The following BTBD9 variants were observed in gnomAD, a reference collection of about 807,000 sequenced individuals.
BTBD9 encodes BTB domain containing 9.
In BTBD9, 49 loss-of-function variants were observed where a neutral mutation model predicts 64.3. That is an observed-to-expected ratio of 0.76 (90% CI 0.61 to 0.97). The LOEUF is 0.97. BTBD9 is among the 50% of genes least tolerant of loss of function. BTBD9 has a pLI of 0.00. For synonymous variants in BTBD9, 260 were observed against 274.7 expected (o/e 0.95, Z 0.53); for missense variants, 598 against 762.1 (o/e 0.78, Z 2.53).
At chr6:38,544,529 T>C (rs1774440653) in intron 6 of BTBD9, among the ~76,000 whole-genome samples, 1 of 151,188 alleles carries the variant, frequency 6.6e-6, no homozygotes, top group Non-Finnish European at 1.5e-5. Context: ...TGGAAGGAGG[T>C]GAGAAATGAA....
intron 7 of BTBD9, among the ~76,000 whole-genome samples, chr6:38,291,746 A>G (rs1293374163): frequency 6.6e-6 from 1 of 152,128 alleles, no homozygotes; most frequent in African/African-American, 2.4e-5. Context: ...GTCTATTGAG[A>G]TAATCATGTG....
chr6:38,255,724 G>A (rs1368008613), intron 9 of BTBD9, among the ~76,000 whole-genome samples: 1 of 152,160 alleles, frequency 6.6e-6, no homozygotes, highest in Non-Finnish European at 1.5e-5. Flanking sequence ...AAATATTGAC[G>A]CTAGCCCTGA....
chr6:38,496,488 A>T (rs1771961626), intron 6 of BTBD9, among the ~76,000 whole-genome samples: 1 of 151,742 alleles, frequency 6.6e-6, no homozygotes, highest in East Asian at 1.9e-4. Context: ...ACAAAAAAAA[A>T]ATTAAATTAA....
In BTBD9 at chr6:38,171,105, C is replaced by T. The variant is rs1766739068; in HGVS notation, c.*3880G>A. On this transcript the variant is annotated 3_prime_UTR_variant, in exon 11 of 11. Transcript: ENST00000481247. Reference sequence around the variant, plus strand: ...TCTTTATCACCAAGTGGCCTCAGTACACAGAACGCTCGCTTTTTATTGTAG... The same window carrying T: ...TCTTTATCACCAAGTGGCCTCAGTATACAGAACGCTCGCTTTTTATTGTAG... The T allele has an allele frequency of 6.6e-6, 1 of 152,252 alleles. No homozygotes were observed. The highest frequency in any genetic ancestry group is 1.5e-5 in the Non-Finnish European group (1 of 68,044). The allele number at this position is 152,252 out of a possible 1,614,324, so 9.4% of individuals were successfully genotyped here. A position where few individuals can be genotyped will look rare whatever the true frequency, so the allele number is the denominator to read the frequency against.
At chr6:38,214,820 C>A (rs985343145) in intron 9 of BTBD9, among the ~76,000 whole-genome samples, 1 of 152,166 alleles carries the variant, frequency 6.6e-6, no homozygotes, top group Non-Finnish European at 1.5e-5. Flanking sequence ...AACAAGCAGC[C>A]ATAAGACACA....
intron 7 of BTBD9, among the ~76,000 whole-genome samples, chr6:38,311,387 C>T (rs911940340): frequency 3.3e-5 from 5 of 152,130 alleles, no homozygotes; most frequent in African/African-American, 1.2e-4. Flanking sequence ...GTTCCATCCA[C>T]GTTGTTGCAA....
chr6:38,598,771 G>T (rs1356097962), intron 1 of BTBD9, among the ~76,000 whole-genome samples: 1 of 152,088 alleles, frequency 6.6e-6, no homozygotes, highest in Non-Finnish European at 1.5e-5. Context: ...TACAAAATTA[G>T]CTGGGCCTGG....
intron 4 of BTBD9, chr6:38,587,682 C>T (rs560332084): frequency 4.5e-5 from 28 of 622,082 alleles, no homozygotes; most frequent in South Asian, 3.6e-4. Flanking sequence ...AAGTGAATCA[C>T]TTATTGGATA....
intron 2 of BTBD9, among the ~76,000 whole-genome samples, chr6:38,597,387 G>C (rs545523953): frequency 2.0e-5 from 3 of 152,206 alleles, no homozygotes; most frequent in Non-Finnish European, 2.9e-5. Context: ...CAAATATTAG[G>C]TAAAATGTAG....
intron 1 of BTBD9, 130 bp downstream of exon 1, chr6:38,639,670 C>CT (rs761083473): frequency 2.6e-5 from 4 of 152,226 alleles, no homozygotes; most frequent in African/African-American, 4.8e-5. Context: ...CCCGTCCCAG[C>CT]TCCTCCCCCG....
chr6:38,543,022 T>G (rs752590017), intron 6 of BTBD9, among the ~76,000 whole-genome samples: 21 of 152,234 alleles, frequency 1.4e-4, no homozygotes, highest in Non-Finnish European at 2.9e-4. Flanking sequence ...ATCTAAACTC[T>G]TACCTAAAAG....
At chr6:38,465,042 C>A (rs1297039363) in intron 6 of BTBD9, among the ~76,000 whole-genome samples, 3 of 152,050 alleles carry the variant, frequency 2.0e-5, no homozygotes, top group Non-Finnish European at 2.9e-5. Context: ...GCAGCTCATG[C>A]CTATAATCCC....
At chr6:38,300,866 G>A (rs1179769446) in intron 7 of BTBD9, among the ~76,000 whole-genome samples, 3 of 152,114 alleles carry the variant, frequency 2.0e-5, no homozygotes, top group South Asian at 2.1e-4. Context: ...TCTCCTGACT[G>A]ATTGCCCTGG....
intron 6 of BTBD9, among the ~76,000 whole-genome samples, chr6:38,467,479 ATACT>A (rs1400900522): frequency 1.3e-5 from 2 of 152,236 alleles, no homozygotes; most frequent in Non-Finnish European, 2.9e-5. Context: ...TTATTCAGGT[ATACT>A]AGAGATAGTT....
intron 8 of BTBD9, among the ~76,000 whole-genome samples, chr6:38,263,379 T>G (rs1447637527): frequency 6.6e-6 from 1 of 152,112 alleles, no homozygotes; most frequent in African/African-American, 2.4e-5. Flanking sequence ...TATGCAGAGG[T>G]TTTTTTGGTA....
chr6:38,385,485 C>T (rs531636663), intron 6 of BTBD9, among the ~76,000 whole-genome samples: 156 of 152,102 alleles, frequency 1.0e-3, no homozygotes, highest in Non-Finnish European at 1.8e-3. Flanking sequence ...CCACCACACC[C>T]GGCCCTTTAT....
chr6:38,273,539 C>T (rs188016654), intron 8 of BTBD9, among the ~76,000 whole-genome samples: 75 of 152,232 alleles, frequency 4.9e-4, no homozygotes, highest in African/African-American at 1.8e-3. Flanking sequence ...CCATTGTTTA[C>T]TTCTGGAATT....
Position 38,411,438 on chromosome 6 carries a change from G to A in BTBD9, c.1155-66345C>T, listed in dbSNP as rs190780503. 5.2e-3 allele frequency among the ~76,000 whole-genome samples: 792 copies of A among 152,202 alleles called. 3 individuals carry two copies. The highest frequency in any genetic ancestry group is 8.5e-3 in the Non-Finnish European group (579 of 68,000). On this transcript the variant is annotated intron_variant, in intron 6 of 10. Coordinates refer to ENST00000481247, the MANE Select transcript of BTBD9 (RefSeq NM_001099272.2). The stretch of plus-strand genomic sequence containing the variant: ...TTTATTATTTAACAGAGGCAACAAC[G>A]CAAATCAGGGATGGGCTTTTTAATA...
chr6:38,189,476 AG>A (rs1407652954), intron 10 of BTBD9, among the ~76,000 whole-genome samples: 1 of 152,178 alleles, frequency 6.6e-6, no homozygotes, highest in Non-Finnish European at 1.5e-5. Context: ...TGCCCAATAA[AG>A]TTCAGCTTTA....
Sources: gnomAD v4.1 joint callset for allele counts (sites outside exome capture counted in the v4.1 genomes callset) on GRCh38, gnomAD v4.1.1 for gene constraint, MANE v1.5 for transcripts, NCBI Gene and HGNC (gene_info 2026-07-23, HGNC 2026-07-21) for gene names.